The following NEGR1 variants were observed in gnomAD, a reference collection of about 807,000 sequenced individuals.
The protein encoded by NEGR1 is neuronal growth regulator 1.
In NEGR1, 10 loss-of-function variants were observed where a neutral mutation model predicts 40.9. The ratio of observed to expected loss-of-function variants is 0.24; its 90% CI spans 0.15 to 0.42. The LOEUF (loss-of-function observed/expected upper bound fraction) is 0.42. Among genes scored for constraint, NEGR1 ranks in the 10% least tolerant of loss-of-function variants. NEGR1 has a pLI of 1.00. For synonymous variants in NEGR1, 185 were observed against 166.8 expected, an observed-to-expected ratio of 1.11 and a Z score of -0.84; for missense variants, 352 against 438.9, an observed-to-expected ratio of 0.80 and a Z score of 1.77.
rs1655894968 is a variant in NEGR1, at chr1:72,272,981, C to A, written c.176+9338G>T. 2.0e-5 allele frequency among the ~76,000 whole-genome samples: 3 copies of A among 151,950 alleles called. No individual in the cohort carries two copies. The South Asian group carries it at 6.2e-4, about 31-fold the overall frequency. ...TTTCTTAGAGAAAGTGATTAAGAGA[C>A]CAATTCCCATGCCAGCTGAATGCTT... On this transcript the variant is annotated intron_variant, in intron 1 of 6. Coordinates refer to ENST00000357731, the MANE Select transcript of NEGR1 (RefSeq NM_173808.3).
At chr1:71,456,481 G>A (rs1646673647) in intron 6 of NEGR1, among the ~76,000 whole-genome samples, 1 of 152,180 alleles carries the variant, frequency 6.6e-6, no homozygotes, top group African/African-American at 2.4e-5. Context: ...AGCACTGGTA[G>A]AAAGCACATT....
intron 2 of NEGR1, among the ~76,000 whole-genome samples, chr1:71,920,834 G>A (rs1645710474): frequency 6.6e-6 from 1 of 152,054 alleles, no homozygotes; most frequent in Non-Finnish European, 1.5e-5. Context: ...AGCTCCCAGG[G>A]TAAATATATA....
At chr1:72,069,267 AC>A (rs1647361405) in intron 1 of NEGR1, among the ~76,000 whole-genome samples, 1 of 151,744 alleles carries the variant, frequency 6.6e-6, no homozygotes, top group Non-Finnish European at 1.5e-5. Flanking sequence ...AAAAACAAAA[AC>A]AAACAAACAA....
chr1:71,599,056 G>C (rs561937527), intron 5 of NEGR1, among the ~76,000 whole-genome samples: 2 of 152,214 alleles, frequency 1.3e-5, no homozygotes, highest in African/African-American at 4.8e-5. Flanking sequence ...AATGAATTAT[G>C]TTTTTATATT....
chr1:72,007,795 A>G (rs1646620937), intron 1 of NEGR1, among the ~76,000 whole-genome samples: 2 of 152,178 alleles, frequency 1.3e-5, no homozygotes, highest in Non-Finnish European at 2.9e-5. Flanking sequence ...GTCATTTGCA[A>G]ATAATTTCAG....
intron 2 of NEGR1, among the ~76,000 whole-genome samples, chr1:71,819,185 A>G (rs573545503): frequency 1.3e-5 from 2 of 152,132 alleles, no homozygotes; most frequent in South Asian, 4.1e-4. Flanking sequence ...AATTCTGCCC[A>G]GCAACAAGCC....
At chr1:72,126,147 AAGAG>A (rs1348076536) in intron 1 of NEGR1, among the ~76,000 whole-genome samples, 3 of 98,608 alleles carry the variant, frequency 3.0e-5, no homozygotes, top group Admixed American at 1.1e-4. Flanking sequence ...AAGACAGAGA[AAGAG>A]AGAGGAACGG....
At chr1:71,815,801 A>G (rs567450039) in intron 2 of NEGR1, among the ~76,000 whole-genome samples, 4 of 152,052 alleles carry the variant, frequency 2.6e-5, no homozygotes, top group Non-Finnish European at 4.4e-5. Context: ...GGTAAAATCC[A>G]TCACGAACAT....
In NEGR1 at chr1:72,107,194, T is replaced by C. The variant is rs114140727; in HGVS notation, c.177-171883A>G. On this transcript the variant is annotated intron_variant, in intron 1 of 6. Transcript: ENST00000357731. ...GGGAAATGAACTTACATTGAGAATATTATAAATTTCATTATGTAAAATTAT... is the reference window on the plus strand; with the variant it reads ...GGGAAATGAACTTACATTGAGAATACTATAAATTTCATTATGTAAAATTAT... Among the ~76,000 whole-genome samples, 847 of 151,884 alleles carry C rather than the reference T, an allele frequency of 5.6e-3. 4 individuals are homozygous for C. Among genetic ancestry groups the C allele is most frequent in the African/African-American group, 0.02 (823 of 41,544 alleles).
chr1:71,736,145 T>G (rs1442916294), intron 3 of NEGR1, among the ~76,000 whole-genome samples: 1 of 152,096 alleles, frequency 6.6e-6, no homozygotes, highest in African/African-American at 2.4e-5. Context: ...TTTCTTATTT[T>G]TGAAAAGCAA....
At chr1:72,033,171 A>G (rs191970244) in intron 1 of NEGR1, among the ~76,000 whole-genome samples, 2 of 152,304 alleles carry the variant, frequency 1.3e-5, no homozygotes, top group Admixed American at 1.3e-4. Context: ...ACTATTATAA[A>G]TTAATACATT....
chr1:71,698,213 C>A, intron 3 of NEGR1, 74 bp from the exon 4 acceptor site: 1 of 1,339,270 alleles, frequency 7.5e-7, no homozygotes. Context: ...AATTTCATGA[C>A]TTCCTACAAG....
Position 71,407,286 on chromosome 1 carries a change from A to C in NEGR1, c.*160T>G, listed in dbSNP as rs1030233574. On this transcript the variant is annotated 3_prime_UTR_variant, in exon 7 of 7. Transcript: ENST00000357731. ...ATGTAGCTAATCAAAAAAGAGTAGA[A>C]TTAAAGTATTTACATAATGAGCAAT... The C allele has an allele frequency of 7.0e-6, 4 of 575,274 alleles. No homozygotes were observed. The highest frequency in any genetic ancestry group is 9.3e-6 in the Non-Finnish European group (3 of 323,718). The allele number at this position is 575,274 out of a possible 1,614,324, so 35.6% of individuals were successfully genotyped here.
intron 6 of NEGR1, chr1:71,407,875 C>T (rs781381430): frequency 4.6e-5 from 12 of 258,268 alleles, no homozygotes; most frequent in African/African-American, 1.1e-4. Context: ...ATGCTAAGTA[C>T]TCAACAGCTA....
At chr1:72,013,950 G>T (rs923326022) in intron 1 of NEGR1, among the ~76,000 whole-genome samples, 3 of 125,426 alleles carry the variant, frequency 2.4e-5, no homozygotes, top group Non-Finnish European at 4.8e-5. Context: ...CCCAAGAGAT[G>T]CTCTGTGAAA....
rs565437096 is a variant in NEGR1 at position 71,675,032 on chromosome 1, G to T, written c.667+22976C>A. On this transcript the variant is annotated intron_variant, in intron 4 of 6. Transcript: ENST00000357731. Reference sequence around the variant, plus strand: ...ATATATACCAGATGTTGTATATATTGCATAAATATATATGTGATACATACG... The same window carrying T: ...ATATATACCAGATGTTGTATATATTTCATAAATATATATGTGATACATACG... Among the ~76,000 whole-genome samples the T allele has an allele frequency of 4.1e-5, 6 of 145,746 alleles. No homozygotes were observed. In the East Asian group the frequency reaches 1.2e-3, roughly 30 times the overall value.
intron 1 of NEGR1, among the ~76,000 whole-genome samples, chr1:72,074,401 C>T (rs1647626373): frequency 6.6e-6 from 1 of 151,868 alleles, no homozygotes; most frequent in African/African-American, 2.4e-5. Flanking sequence ...TATTCTTTAT[C>T]ATCATTTTTA....
chr1:71,483,799 CT>C (rs1646869523), intron 6 of NEGR1, among the ~76,000 whole-genome samples: 1 of 151,726 alleles, frequency 6.6e-6, no homozygotes, highest in Admixed American at 6.6e-5. Flanking sequence ...GTAGCTAAGA[CT>C]TTCTGGCTTT....
At chr1:71,601,228 A>T (rs1234444136) in intron 5 of NEGR1, among the ~76,000 whole-genome samples, 1 of 152,248 alleles carries the variant, frequency 6.6e-6, no homozygotes, top group Non-Finnish European at 1.5e-5. Flanking sequence ...GCTCAGCTTC[A>T]CTAATCATCA....
Sources: allele counts gnomAD v4.1 joint callset (sites outside exome capture counted in the v4.1 genomes callset), GRCh38; gene constraint gnomAD v4.1.1; transcripts MANE v1.5; gene names NCBI Gene and HGNC (gene_info 2026-07-23, HGNC 2026-07-21).